PAK3: variants seen among roughly 807,000 people sequenced by gnomAD.
PAK3 encodes p21 (RAC1) activated kinase 3.
PAK3 carries 4 observed loss-of-function variants against 41.0 expected under a neutral mutation model. The observed-to-expected ratio is 0.10, with a 90% CI of 0.05 to 0.22. The LOEUF is 0.22. Among genes scored for constraint, PAK3 ranks in the 10% least tolerant of loss-of-function variants. The probability of loss-of-function intolerance (pLI) is 1.00; values close to 1 mark genes in which losing one functional copy is unlikely to be tolerated. For missense variants in PAK3, 205 were observed against 409.9 expected, an observed-to-expected ratio of 0.50 and a Z score of 4.32; for synonymous variants, 146 against 139.6, an observed-to-expected ratio of 1.05 and a Z score of -0.32.
At chrX:110,979,950 TA>T (rs776974555) in intron 1 of PAK3, among the ~76,000 whole-genome samples, 8 of 112,063 alleles carry the variant, frequency 7.1e-5, no homozygotes, top group Non-Finnish European at 1.1e-4. Context: ...CATTCAGGTG[TA>T]GGCAGAATTC....
At chrX:110,954,137 G>C (rs1569495909) in intron 1 of PAK3, among the ~76,000 whole-genome samples, 1 of 111,550 alleles carries the variant, frequency 9.0e-6, no homozygotes, top group Non-Finnish European at 1.9e-5. Flanking sequence ...AAAAAGAAAG[G>C]AGTCAGCACT....
chrX:111,193,097 T>C (rs1359011742), intron 13 of PAK3, among the ~76,000 whole-genome samples: 1 of 111,582 alleles, frequency 9.0e-6, no homozygotes, highest in Non-Finnish European at 1.9e-5. Context: ...GTATTAACAG[T>C]GTGTTATAAA....
intron 1 of PAK3, among the ~76,000 whole-genome samples, chrX:110,950,187 T>A (rs895035302): frequency 8.0e-5 from 9 of 111,835 alleles, no homozygotes; most frequent in African/African-American, 2.9e-4. Context: ...AAAATAGAGA[T>A]ATGATGTAGA....
chrX:111,179,703 G>T (rs574771314), intron 11 of PAK3, among the ~76,000 whole-genome samples: 18 of 111,707 alleles, frequency 1.6e-4, no homozygotes, highest in African/African-American at 5.8e-4. Context: ...TCGTAAGTCT[G>T]TATACCCTGA....
chrX:111,068,288 T>A (rs2092715867), intron 1 of PAK3, among the ~76,000 whole-genome samples: 1 of 111,627 alleles, frequency 9.0e-6, no homozygotes, highest in Non-Finnish European at 1.9e-5. Flanking sequence ...CCAATTCCCA[T>A]AGGCTTGTTT....
At chrX:110,950,548 G>A (rs1270386786) in intron 1 of PAK3, among the ~76,000 whole-genome samples, 2 of 111,343 alleles carry the variant, frequency 1.8e-5, no homozygotes, top group African/African-American at 6.5e-5. Flanking sequence ...CATGCATTAG[G>A]GATTTGTCCT....
At position 111,225,360 on chromosome X, in the gene PAK3, T is replaced by C. The variant is rs1387566994; in HGVS notation, c.*4913T>C. On this transcript the variant is annotated 3_prime_UTR_variant, in exon 18 of 18. Coordinates refer to ENST00000372007, the MANE Select transcript of PAK3 (RefSeq NM_002578.5). ...GAGATATCACCTCCATGTGCACACC[T>C]GTGTGTACGAGTATTCTATACAACT... is the stretch of plus-strand genomic sequence containing the variant. 1 of 112,215 alleles carries C rather than the reference T, an allele frequency of 8.9e-6. No homozygotes were observed. The highest frequency in any genetic ancestry group is 3.2e-5 in the African/African-American group (1 of 30,846). 9.2% of individuals were successfully genotyped at this position (112,215 alleles called of 1,213,427 possible).
intron 17 of PAK3, chrX:111,217,098 A>G: frequency 1.5e-6 from 1 of 650,338 alleles, no homozygotes; most frequent in Non-Finnish European, 1.8e-6. Context: ...ATGAGAAATA[A>G]TACTTACTAT....
At chrX:111,168,803 A>G (rs896099669) in intron 10 of PAK3, among the ~76,000 whole-genome samples, 4 of 112,022 alleles carry the variant, frequency 3.6e-5, no homozygotes, top group African/African-American at 1.3e-4. Flanking sequence ...GCAACTTAAT[A>G]GTTAAACTTT....
chrX:111,009,315 C>T (rs1027742995), intron 1 of PAK3, among the ~76,000 whole-genome samples: 15 of 111,653 alleles, frequency 1.3e-4, no homozygotes, highest in Admixed American at 1.1e-3. Context: ...ATATGTGTCT[C>T]TGATATACAT....
chrX:111,078,379 T>C (rs969585411), intron 1 of PAK3, among the ~76,000 whole-genome samples: 5 of 110,662 alleles, frequency 4.5e-5, no homozygotes, highest in East Asian at 2.8e-4. Flanking sequence ...GTGTCACACA[T>C]TGGTAATTCT....
rs763454755 is a variant in PAK3, at chrX:111,129,932, T to C, written c.175+6654T>C. ...AGGGATATGAAGTTGCTTTCCCCAT[T>C]AAGGCAAATGAGGCCTCCTTTTTCT... is the stretch of plus-strand genomic sequence containing the variant. On this transcript the variant is annotated intron_variant, in intron 5 of 17. Coordinates refer to ENST00000372007, the MANE Select transcript of PAK3 (RefSeq NM_002578.5). Among the ~76,000 whole-genome samples the C allele has an allele frequency of 5.4e-5, 6 of 111,710 alleles. No individual in the cohort carries two copies. In the East Asian group the frequency reaches 1.1e-3, roughly 21 times the overall value.
At chrX:111,012,477 T>A (rs767060693) in intron 1 of PAK3, among the ~76,000 whole-genome samples, 30 of 111,905 alleles carry the variant, frequency 2.7e-4, no homozygotes, top group African/African-American at 9.1e-4. Flanking sequence ...CTAGCCACGA[T>A]CACCTTAGGC....
chrX:111,215,777 C>T (rs914614043), intron 16 of PAK3, among the ~76,000 whole-genome samples: 66 of 111,898 alleles, frequency 5.9e-4, no homozygotes, highest in Non-Finnish European at 1.2e-3. Flanking sequence ...CTCATATTTC[C>T]TCTCATTGTA....
At chrX:110,987,464 G>A (rs755758444) in intron 1 of PAK3, among the ~76,000 whole-genome samples, 60 of 111,563 alleles carry the variant, frequency 5.4e-4, no homozygotes, top group African/African-American at 1.9e-3. Context: ...CCTGGAGAAA[G>A]CCAGCCCAAT....
chrX:111,013,742 G>T (rs1457201022), intron 1 of PAK3: 2 of 111,223 alleles, frequency 1.8e-5, no homozygotes, highest in East Asian at 2.8e-4. Context: ...TCCCACAACT[G>T]GTCTCTGAGT....
chrX:111,113,575 A>G (rs538201150), intron 4 of PAK3, among the ~76,000 whole-genome samples: 63 of 111,385 alleles, frequency 5.7e-4, no homozygotes, highest in African/African-American at 1.9e-3. Flanking sequence ...TGCAATGCAC[A>G]TATCCTTACT....
chrX:111,210,338 G>T (rs1421578401), intron 16 of PAK3, among the ~76,000 whole-genome samples: 1 of 110,818 alleles, frequency 9.0e-6, no homozygotes, highest in Admixed American at 9.6e-5. Context: ...TTCTCTATGG[G>T]TCTTTCTGCA....
chrX:110,959,378 C>T (rs1167616509), intron 1 of PAK3, among the ~76,000 whole-genome samples: 1 of 111,643 alleles, frequency 9.0e-6, no homozygotes, highest in African/African-American at 3.3e-5. Context: ...TTTTCATCCT[C>T]ATACATGTTT....
Sources: gnomAD v4.1 joint callset for allele counts (sites outside exome capture counted in the v4.1 genomes callset) on GRCh38, gnomAD v4.1.1 for gene constraint, MANE v1.5 for transcripts, NCBI Gene and HGNC (gene_info 2026-07-23, HGNC 2026-07-21) for gene names.